CADM2: variants seen among roughly 807,000 people sequenced by gnomAD.
CADM2 encodes cell adhesion molecule 2.
A neutral mutation model predicts 49.8 loss-of-function variants in CADM2; 12 were observed. The observed-to-expected ratio is 0.24, with a 90% confidence interval of 0.15 to 0.39. The LOEUF is 0.39. Ranked by LOEUF, CADM2 falls within the 10% of genes least tolerant of loss-of-function variation. The pLI, the probability that CADM2 is intolerant of heterozygous loss-of-function variation, is 1.00. For missense variants in CADM2, 378 were observed against 492.3 expected, an observed-to-expected ratio of 0.77 and a Z score of 2.20; for synonymous variants, 214 against 175.4, an observed-to-expected ratio of 1.22 and a Z score of -1.74.
chr3:85,156,563 C>G (rs2040130920), intron 1 of CADM2, among the ~76,000 whole-genome samples: 1 of 152,150 alleles, frequency 6.6e-6, no homozygotes, highest in East Asian at 1.9e-4. Context: ...GGAACTGGTA[C>G]CATTCCTTCT....
chr3:85,086,021 A>C (rs1455543507), intron 1 of CADM2, among the ~76,000 whole-genome samples: 1 of 152,170 alleles, frequency 6.6e-6, no homozygotes, highest in Non-Finnish European at 1.5e-5. Context: ...AATTACGAAG[A>C]TGTTTAGGAC....
At chr3:85,378,829 C>A (rs2033737000) in intron 1 of CADM2, among the ~76,000 whole-genome samples, 1 of 151,886 alleles carries the variant, frequency 6.6e-6, no homozygotes, top group South Asian at 2.1e-4. Context: ...CATTAAAAAA[C>A]TTATCTATGA....
At chr3:85,804,647 C>T (rs536079760) in intron 3 of CADM2, among the ~76,000 whole-genome samples, 2 of 152,252 alleles carry the variant, frequency 1.3e-5, no homozygotes, top group East Asian at 1.9e-4. Context: ...AATGCCCTTG[C>T]CTCCACTTTT....
chr3:85,075,020 C>A (rs1486485716), intron 1 of CADM2, among the ~76,000 whole-genome samples: 1 of 151,692 alleles, frequency 6.6e-6, no homozygotes, highest in Non-Finnish European at 1.5e-5. Context: ...TACATATTTG[C>A]AAGGTTTTGC....
At position 86,040,858 on chromosome 3, in the gene CADM2, G is replaced by C. The variant is rs558915525; in HGVS notation, c.971-24747G>C. Among the ~76,000 whole-genome samples the C allele has an allele frequency of 7.2e-5, 11 of 152,300 alleles. 1 individual carries two copies. In the South Asian group the frequency reaches 1.7e-3, roughly 23 times the overall value. On this transcript the variant is annotated intron_variant, in intron 8 of 9. Transcript: ENST00000383699. ...AAGGTCGGGTTACCCACAAAGTGAA[G>C]CCCATCAGACTAACAGCTGATCTCT...
At chr3:85,554,430 T>A (rs2061897205) in intron 1 of CADM2, among the ~76,000 whole-genome samples, 1 of 151,156 alleles carries the variant, frequency 6.6e-6, no homozygotes. Flanking sequence ...GGGACCCCTG[T>A]TCTAGGCGTT....
At chr3:85,212,812 C>CTCCTTCTT (rs1553696299) in intron 1 of CADM2, among the ~76,000 whole-genome samples, 59 of 102,642 alleles carry the variant, frequency 5.7e-4, no homozygotes, top group Non-Finnish European at 9.4e-4. Flanking sequence ...TCTTTTTCTT[C>CTCCTTCTT]TCTTTCTTTC....
At chr3:85,761,436 G>A (rs951612241) in intron 2 of CADM2, among the ~76,000 whole-genome samples, 12 of 144,228 alleles carry the variant, frequency 8.3e-5, no homozygotes, top group African/African-American at 3.3e-4. Context: ...GCATTCAGTG[G>A]CATGATCTCG....
chr3:86,012,167 T>C (rs1016920578), intron 8 of CADM2, among the ~76,000 whole-genome samples: 1 of 152,162 alleles, frequency 6.6e-6, no homozygotes, highest in Non-Finnish European at 1.5e-5. Flanking sequence ...AAATAATATA[T>C]ACAGCTGCCA....
At chr3:85,908,000 A>C (rs1717032267) in intron 5 of CADM2, among the ~76,000 whole-genome samples, 1 of 152,192 alleles carries the variant, frequency 6.6e-6, no homozygotes, top group Middle Eastern at 3.4e-3. Context: ...AAACCAAAAT[A>C]GTTGAGATTA....
chr3:84,981,344 T>C (rs1575965121), intron 1 of CADM2, among the ~76,000 whole-genome samples: 1 of 151,980 alleles, frequency 6.6e-6, no homozygotes, highest in South Asian at 2.1e-4. Context: ...GGATATACCA[T>C]AGTCTTCCAT....
chr3:85,883,780 G>A (rs747540725), intron 4 of CADM2, among the ~76,000 whole-genome samples: 1 of 151,898 alleles, frequency 6.6e-6, no homozygotes, highest in Non-Finnish European at 1.5e-5. Context: ...ATCCTTTTAC[G>A]ACATGACACA....
At position 85,383,910 on chromosome 3, in the gene CADM2, G is replaced by A. The variant is rs148112249; in HGVS notation, c.62-342612G>A. 8.5e-3 allele frequency among the ~76,000 whole-genome samples: 1,285 copies of A among 151,972 alleles called. 10 individuals carry two copies. The highest frequency in any genetic ancestry group is 0.014 in the Non-Finnish European group (940 of 67,974). ...CATTTCTTCTTTGATGAATAATTGA[G>A]TTATTTCTAAGTATTTTTCTTTTAA... On this transcript the variant is annotated intron_variant, in intron 1 of 9. Transcript: ENST00000383699.
chr3:85,010,355 G>GAATGTATA (rs2107250171), intron 1 of CADM2, among the ~76,000 whole-genome samples: 1 of 152,322 alleles, frequency 6.6e-6, no homozygotes, highest in Admixed American at 6.5e-5. Flanking sequence ...ACCGTAATTA[G>GAATGTATA]AATGTATAAA....
intron 1 of CADM2, among the ~76,000 whole-genome samples, chr3:85,488,908 T>G (rs1318375673): frequency 2.6e-5 from 4 of 152,162 alleles, no homozygotes; most frequent in African/African-American, 9.6e-5. Context: ...TAAGCTGTAG[T>G]AAAAAAAGAA....
intron 1 of CADM2, among the ~76,000 whole-genome samples, chr3:85,069,713 T>C (rs1310995316): frequency 6.6e-6 from 1 of 152,168 alleles, no homozygotes; most frequent in South Asian, 2.1e-4. Flanking sequence ...GTATTATCTT[T>C]GATAAAAAAT....
At chr3:85,065,083 A>G (rs1395380708) in intron 1 of CADM2, among the ~76,000 whole-genome samples, 1 of 152,126 alleles carries the variant, frequency 6.6e-6, no homozygotes, top group Non-Finnish European at 1.5e-5. Flanking sequence ...ATTTCTTTTT[A>G]ATAGATAATA....
chr3:86,046,123 T>A (rs374882285), intron 8 of CADM2, among the ~76,000 whole-genome samples: 4 of 152,162 alleles, frequency 2.6e-5, no homozygotes, highest in African/African-American at 9.7e-5. Context: ...ACTATTAAAT[T>A]AAAGTTAGTA....
intron 1 of CADM2, among the ~76,000 whole-genome samples, chr3:85,568,444 T>TTTCTTTCTTCCTTTCTTTCTTTCTTTCA (rs2062351242): frequency 2.6e-5 from 1 of 37,804 alleles, no homozygotes; most frequent in Admixed American, 3.0e-4. Context: ...TCTTTCTTTC[T>TTTCTTTCTTCCTTTCTTTCTTTCTTTCA]TTCTTTCTTT....
Sources: gnomAD v4.1 joint callset for allele counts (sites outside exome capture counted in the v4.1 genomes callset) on GRCh38, gnomAD v4.1.1 for gene constraint, MANE v1.5 for transcripts, NCBI Gene and HGNC (gene_info 2026-07-23, HGNC 2026-07-21) for gene names.